Variants in EMCN observed in about 807,000 individuals in gnomAD.
EMCN encodes MUC-14.
In EMCN, 37 loss-of-function variants were observed where a neutral mutation model predicts 38.4. The ratio of observed to expected loss-of-function variants is 0.96; its 90% CI spans 0.74 to 1.27. The LOEUF (loss-of-function observed/expected upper bound fraction) is 1.27. EMCN is among the 50% of genes most tolerant of loss of function. The probability of loss-of-function intolerance (pLI) is 0.00; values close to 1 mark genes in which losing one functional copy is unlikely to be tolerated. For synonymous variants in EMCN, 95 were observed against 100.8 expected (o/e 0.94, Z 0.35); for missense variants, 318 against 302.8 (o/e 1.05, Z -0.37).
intron 1 of EMCN, among the ~76,000 whole-genome samples, chr4:100,488,464 T>G (rs560337728): frequency 6.6e-6 from 1 of 152,326 alleles, no homozygotes; most frequent in South Asian, 2.1e-4. Context: ...GAGAAAATGT[T>G]AAAGGTAAAA....
chr4:100,469,609 T>TTACATCAAAA (rs1488411043), intron 3 of EMCN, among the ~76,000 whole-genome samples: 1 of 61,518 alleles, frequency 1.6e-5, no homozygotes, highest in African/African-American at 3.2e-5. Context: ...TTTTTGAATA[T>TTACATCAAAA]GGTGTAAAGA....
intron 1 of EMCN, among the ~76,000 whole-genome samples, chr4:100,506,033 G>A (rs1295772183): frequency 6.6e-6 from 1 of 152,132 alleles, no homozygotes; most frequent in South Asian, 2.1e-4. Flanking sequence ...TAAAGAGATA[G>A]TGGGAAACAA....
chr4:100,452,294 T>A (rs994009375), intron 4 of EMCN, among the ~76,000 whole-genome samples: 1 of 152,050 alleles, frequency 6.6e-6, no homozygotes, highest in Admixed American at 6.6e-5. Flanking sequence ...TTATTATATA[T>A]AAATGTTATC....
chr4:100,472,781 T>TA lies in EMCN; in HGVS notation c.259+2256dup, dbSNP rs1346038342. On this transcript the variant is annotated intron_variant, in intron 3 of 11. Transcript: ENST00000296420. ...TATGATTCTGACATAACAATAGGCA[T>TA]ATAGGTATAAGTGGAGTAGATTCGG... Among the ~76,000 whole-genome samples the TA allele has an allele frequency of 2.4e-3, 365 of 152,050 alleles. 2 individuals are homozygous for TA. Among genetic ancestry groups the TA allele is most frequent in the African/African-American group, 8.5e-3 (351 of 41,504 alleles).
At chr4:100,418,689 G>C (rs1014926603) in intron 8 of EMCN, among the ~76,000 whole-genome samples, 1 of 152,084 alleles carries the variant, frequency 6.6e-6, no homozygotes, top group Non-Finnish European at 1.5e-5. Flanking sequence ...ATGACTTCCA[G>C]TTCCATCCAT....
chr4:100,495,648 C>T (rs79699639), intron 1 of EMCN, among the ~76,000 whole-genome samples: 3,476 of 152,022 alleles, frequency 0.023, 50 homozygotes, highest in Non-Finnish European at 0.036. Context: ...ATGATCAATA[C>T]GTAATTTCTT....
chr4:100,499,810 T>C (rs1271105290), intron 1 of EMCN, among the ~76,000 whole-genome samples: 2 of 152,234 alleles, frequency 1.3e-5, no homozygotes, highest in Non-Finnish European at 2.9e-5. Flanking sequence ...TACCTTTAAC[T>C]GCTAAAATAA....
chr4:100,425,290 A>G (rs1727014755), intron 5 of EMCN, among the ~76,000 whole-genome samples: 1 of 152,026 alleles, frequency 6.6e-6, no homozygotes, highest in African/African-American at 2.4e-5. Flanking sequence ...TGAATCCATA[A>G]AACATGAGCC....
chr4:100,496,726 A>C (rs1409571734), intron 1 of EMCN, among the ~76,000 whole-genome samples: 2 of 152,186 alleles, frequency 1.3e-5, no homozygotes, highest in Non-Finnish European at 2.9e-5. Flanking sequence ...AAAAACATGA[A>C]AGCACCAAAC....
chr4:100,486,899 T>C (rs1728957264), intron 1 of EMCN: 16 of 985,468 alleles, frequency 1.6e-5, no homozygotes, highest in Non-Finnish European at 1.9e-5. Flanking sequence ...CATGCAGTTA[T>C]TTTTCCTTCA....
intron 5 of EMCN, among the ~76,000 whole-genome samples, chr4:100,435,812 G>A (rs1044070585): frequency 5.3e-5 from 8 of 152,062 alleles, no homozygotes; most frequent in Admixed American, 1.3e-4. Context: ...TGCTGGGAGA[G>A]CTGGCTAGCC....
chr4:100,509,331 C>A (rs746602377), intron 1 of EMCN, among the ~76,000 whole-genome samples: 1 of 152,186 alleles, frequency 6.6e-6, no homozygotes, highest in Non-Finnish European at 1.5e-5. Flanking sequence ...ATAAAAAGTT[C>A]ACTGATCACA....
In EMCN at chr4:100,396,186, C is replaced by T. The variant is rs1023778607; in HGVS notation, c.*2227G>A. 1.3e-5 allele frequency: 2 copies of T among 152,038 alleles called. No individual in the cohort carries two copies. The highest frequency in any genetic ancestry group is 1.9e-4 in the East Asian group (1 of 5,188). The allele number at this position is 152,038 out of a possible 1,614,324, so 9.4% of individuals were successfully genotyped here. ...TACCTTTGAGATTGATATAAAATGC[C>T]GTGGACATCTCTGTAAACTTCTCAA... On this transcript the variant is annotated 3_prime_UTR_variant, in exon 12 of 12. Coordinates refer to ENST00000296420, the MANE Select transcript of EMCN (RefSeq NM_016242.4).
intron 4 of EMCN, among the ~76,000 whole-genome samples, chr4:100,459,957 G>A (rs1728130270): frequency 6.6e-6 from 1 of 152,092 alleles, no homozygotes; most frequent in Non-Finnish European, 1.5e-5. Context: ...TGGGATTACT[G>A]GATCATATGA....
intron 5 of EMCN, among the ~76,000 whole-genome samples, chr4:100,444,277 A>C (rs899573382): frequency 6.6e-6 from 1 of 152,200 alleles, no homozygotes; most frequent in African/African-American, 2.4e-5. Flanking sequence ...TCATGTCCAT[A>C]TGGGTCAGTG....
chr4:100,505,804 T>TA lies in EMCN; in HGVS notation c.64+12046dup, dbSNP rs143585147. 5.7e-3 allele frequency among the ~76,000 whole-genome samples: 868 copies of TA among 152,138 alleles called. 9 individuals are homozygous for TA. The highest frequency in any genetic ancestry group is 0.019 in the African/African-American group (789 of 41,518). ...GAGGAAGCAGAAAAATAGAGACCTC[T>TA]AAAAAAAGCCACTTTGTAGAATCCT... On this transcript the variant is annotated intron_variant, in intron 1 of 11. Transcript: ENST00000296420.
intron 11 of EMCN, among the ~76,000 whole-genome samples, chr4:100,404,628 T>C (rs1726345090): frequency 6.6e-6 from 1 of 152,152 alleles, no homozygotes; most frequent in Admixed American, 6.6e-5. Context: ...GTAGTATCAT[T>C]TGAAGTTGGG....
intron 1 of EMCN, among the ~76,000 whole-genome samples, chr4:100,499,782 CTAAT>C (rs1304003880): frequency 2.0e-5 from 3 of 152,148 alleles, no homozygotes; most frequent in Non-Finnish European, 4.4e-5. Flanking sequence ...TAGTGTATAA[CTAAT>C]TAAAGATGGT....
intron 1 of EMCN, among the ~76,000 whole-genome samples, chr4:100,514,976 T>TA (rs937598511): frequency 6.6e-6 from 1 of 152,130 alleles, no homozygotes; most frequent in Non-Finnish European, 1.5e-5. Flanking sequence ...TCTATAAACT[T>TA]ACGATATTTA....
Sources: allele counts gnomAD v4.1 joint callset (sites outside exome capture counted in the v4.1 genomes callset), GRCh38; gene constraint gnomAD v4.1.1; transcripts MANE v1.5; gene names NCBI Gene and HGNC (gene_info 2026-07-23, HGNC 2026-07-21).